Variants in FBXL17 observed in about 807,000 individuals in gnomAD.
FBXL17 encodes F-box/LRR-repeat protein 17.
In FBXL17, 22 loss-of-function variants were observed where a neutral mutation model predicts 66.2. That is an observed-to-expected ratio of 0.33 (90% CI 0.24 to 0.47). The LOEUF (loss-of-function observed/expected upper bound fraction) is 0.47. Among genes scored for constraint, FBXL17 ranks in the 20% least tolerant of loss-of-function variants. The pLI is 1.00. For missense variants in FBXL17, 878 were observed against 948.2 expected, an observed-to-expected ratio of 0.93 and a Z score of 0.97; for synonymous variants, 474 against 400.5, an observed-to-expected ratio of 1.18 and a Z score of -2.19.
At chr5:108,189,529 T>A (rs1753380671) in intron 5 of FBXL17, among the ~76,000 whole-genome samples, 1 of 152,014 alleles carries the variant, frequency 6.6e-6, no homozygotes, top group African/African-American at 2.4e-5. Flanking sequence ...AATAAACAGG[T>A]ATGGTAGGCA....
chr5:108,252,943 A>AC (rs1441789163), intron 4 of FBXL17, among the ~76,000 whole-genome samples: 1 of 152,200 alleles, frequency 6.6e-6, no homozygotes, highest in East Asian at 1.9e-4. Flanking sequence ...GGCTGATGTG[A>AC]AGATGTTCTG....
Position 108,278,820 on chromosome 5 carries a change from C to T in FBXL17, c.1507-54592G>A, listed in dbSNP as rs560675327. Among the ~76,000 whole-genome samples the T allele has an allele frequency of 5.3e-5, 8 of 152,322 alleles. No homozygotes were observed. In the East Asian group the frequency reaches 1.5e-3, roughly 29 times the overall value. On this transcript the variant is annotated intron_variant, in intron 4 of 8. Transcript: ENST00000542267. ...GAACTGCATGGCCTCCCCATCACAG[C>T]TGGTGCATGCACTTGCCACTGGGGG...
intron 6 of FBXL17, among the ~76,000 whole-genome samples, chr5:108,147,243 G>A (rs776427537): frequency 2.0e-5 from 3 of 152,118 alleles, no homozygotes; most frequent in Admixed American, 6.5e-5. Context: ...GCATAAACTC[G>A]AAGCAGAAAA....
intron 7 of FBXL17, among the ~76,000 whole-genome samples, chr5:107,897,560 C>T (rs901995958): frequency 2.0e-5 from 3 of 152,150 alleles, no homozygotes; most frequent in African/African-American, 7.2e-5. Context: ...ACAATGCCCC[C>T]GGCCACCCAG....
chr5:107,924,558 A>C (rs1432511170), intron 7 of FBXL17, among the ~76,000 whole-genome samples: 2 of 152,194 alleles, frequency 1.3e-5, no homozygotes, highest in African/African-American at 4.8e-5. Flanking sequence ...TAAAACTTTA[A>C]AGAAGACAAG....
chr5:108,016,774 C>CTTTA (rs796303039), intron 7 of FBXL17, among the ~76,000 whole-genome samples: 18 of 134,872 alleles, frequency 1.3e-4, no homozygotes, highest in African/African-American at 4.2e-4. Context: ...TTTTTTCTTT[C>CTTTA]TTTCTTTCTT....
chr5:108,163,022 C>G (rs1259228106), intron 6 of FBXL17, among the ~76,000 whole-genome samples: 2 of 152,124 alleles, frequency 1.3e-5, no homozygotes, highest in Non-Finnish European at 2.9e-5. Context: ...TGTACTGGAT[C>G]AAACTCTTAT....
In FBXL17 at chr5:108,381,446, G is replaced by A; in HGVS notation, c.246C>T (p.Leu82=). Reference sequence around the variant, plus strand: ...AGGCCCCGTCCCGCGGCGGCGGCGAGAGCGGCGGCTCCTCCTCTGGGCCGG... The same window carrying A: ...AGGCCCCGTCCCGCGGCGGCGGCGAAAGCGGCGGCTCCTCCTCTGGGCCGG... ...APAGPEEEPP[L]SPPPRDGAYA... Residue 82 remains leucine, a synonymous_variant, in exon 1 of 9, where the codon CTC becomes CTT. Transcript: ENST00000542267. The A allele has an allele frequency of 1.5e-6, 2 of 1,315,972 alleles. No individual in the cohort carries two copies. The highest frequency in any genetic ancestry group is 1.9e-6 in the Non-Finnish European group (2 of 1,040,288). 81.5% of individuals were successfully genotyped at this position (1,315,972 alleles called of 1,614,324 possible).
chr5:108,190,705 A>T (rs1753437463), intron 5 of FBXL17, among the ~76,000 whole-genome samples: 1 of 152,194 alleles, frequency 6.6e-6, no homozygotes, highest in Non-Finnish European at 1.5e-5. Context: ...ATGAATTTGT[A>T]TGTGTCAAGG....
At chr5:108,310,911 C>T (rs1759085622) in intron 4 of FBXL17, among the ~76,000 whole-genome samples, 1 of 152,172 alleles carries the variant, frequency 6.6e-6, no homozygotes, top group African/African-American at 2.4e-5. Context: ...CTGCTGTTGC[C>T]AGTTGAGATT....
intron 7 of FBXL17, among the ~76,000 whole-genome samples, chr5:107,986,287 A>G (rs1015809041): frequency 1.3e-5 from 2 of 151,956 alleles, no homozygotes; most frequent in African/African-American, 4.8e-5. Context: ...ATAAACAATT[A>G]TTCTAATAGA....
At chr5:108,091,780 A>G (rs1749196248) in intron 6 of FBXL17, among the ~76,000 whole-genome samples, 1 of 152,206 alleles carries the variant, frequency 6.6e-6, no homozygotes, top group Non-Finnish European at 1.5e-5. Flanking sequence ...TAATTTGTGA[A>G]TTCCTTAAAT....
intron 5 of FBXL17, among the ~76,000 whole-genome samples, chr5:108,211,692 T>G (rs554189170): frequency 4.6e-5 from 7 of 152,204 alleles, no homozygotes; most frequent in Admixed American, 4.6e-4. Flanking sequence ...TACAGAAAGA[T>G]CCCCTGTTAA....
intron 6 of FBXL17, among the ~76,000 whole-genome samples, chr5:108,042,307 T>C (rs1213208478): frequency 6.6e-5 from 10 of 152,180 alleles, no homozygotes; most frequent in Admixed American, 5.9e-4. Context: ...TGCAAAATTA[T>C]AGTAGAATAT....
In FBXL17 at chr5:107,872,273, T is replaced by C. The variant is rs1202257334; in HGVS notation, c.1965+8764A>G. ...AGCAGATGCTGAGCTCATCTGAATG[T>C]CCTGATCCCCAGGGGCTTGCAGCTG... is the stretch of plus-strand genomic sequence containing the variant. On this transcript the variant is annotated intron_variant, in intron 8 of 8. Transcript: ENST00000542267. 2.6e-5 allele frequency among the ~76,000 whole-genome samples: 4 copies of C among 152,332 alleles called. No individual in the cohort carries two copies. In the South Asian group the frequency reaches 8.3e-4, roughly 32 times the overall value.
At chr5:107,878,870 T>C in intron 8 of FBXL17, 1 of 985,476 alleles carries the variant, frequency 1.0e-6, no homozygotes, top group Non-Finnish European at 1.2e-6. Flanking sequence ...CTCCCTGGGC[T>C]GCACTGCAGC....
At chr5:108,296,882 T>G (rs1758368992) in intron 4 of FBXL17, among the ~76,000 whole-genome samples, 2 of 151,578 alleles carry the variant, frequency 1.3e-5, no homozygotes, top group Admixed American at 6.6e-5. Flanking sequence ...TACATATTAA[T>G]AACAAAAATG....
intron 6 of FBXL17, among the ~76,000 whole-genome samples, chr5:108,162,090 C>T (rs1186842724): frequency 1.3e-5 from 2 of 152,186 alleles, no homozygotes; most frequent in Non-Finnish European, 2.9e-5. Flanking sequence ...GCAAATATTG[C>T]TAAATTATTA....
chr5:108,310,410 T>A (rs1216514437), intron 4 of FBXL17, among the ~76,000 whole-genome samples: 2 of 152,174 alleles, frequency 1.3e-5, no homozygotes, highest in Non-Finnish European at 2.9e-5. Context: ...AAAAAAATGT[T>A]TTTAATCTTC....
Sources: gnomAD v4.1 joint callset for allele counts (sites outside exome capture counted in the v4.1 genomes callset) on GRCh38, gnomAD v4.1.1 for gene constraint, MANE v1.5 for transcripts, NCBI Gene and HGNC (gene_info 2026-07-23, HGNC 2026-07-21) for gene names.